ADK: variants seen among roughly 807,000 people sequenced by gnomAD.
ADK encodes the protein adenosine kinase.
A neutral mutation model predicts 44.7 loss-of-function variants in ADK; 24 were observed. The ratio of observed to expected loss-of-function variants is 0.54; its 90% CI spans 0.39 to 0.76. The LOEUF (loss-of-function observed/expected upper bound fraction) is 0.76, where lower values mean the gene tolerates loss of function less well. Ranked by LOEUF, ADK falls within the 30% of genes least tolerant of loss-of-function variation. The probability of loss-of-function intolerance (pLI) is 0.00; values close to 1 mark genes in which losing one functional copy is unlikely to be tolerated. For missense variants in ADK, 321 were observed against 425.1 expected (o/e 0.76, Z 2.15); for synonymous variants, 128 against 142.6 (o/e 0.90, Z 0.73).
At chr10:74,241,627 C>T (rs1168657975) in intron 3 of ADK, among the ~76,000 whole-genome samples, 2 of 152,176 alleles carry the variant, frequency 1.3e-5, no homozygotes, top group Admixed American at 6.5e-5. Flanking sequence ...CTCAAGTGAT[C>T]CACCCGCCTC....
intron 1 of ADK, among the ~76,000 whole-genome samples, chr10:74,194,956 A>T (rs907668067): frequency 6.6e-6 from 1 of 152,184 alleles, no homozygotes; most frequent in Non-Finnish European, 1.5e-5. Context: ...TTTTCTCAGG[A>T]ACTCTTACTG....
intron 7 of ADK, among the ~76,000 whole-genome samples, chr10:74,583,615 A>C (rs1851439774): frequency 6.6e-6 from 1 of 152,082 alleles, no homozygotes; most frequent in South Asian, 2.1e-4. Context: ...AAATTCCTGG[A>C]CACAAGCAAT....
chr10:74,384,266 C>T (rs1388515356), intron 4 of ADK, among the ~76,000 whole-genome samples: 2 of 152,256 alleles, frequency 1.3e-5, no homozygotes, highest in African/African-American at 4.8e-5. Context: ...TGGAAACACA[C>T]CCTACAACTC....
chr10:74,411,435 C>T (rs565665657), intron 6 of ADK, among the ~76,000 whole-genome samples: 1 of 152,302 alleles, frequency 6.6e-6, no homozygotes, highest in East Asian at 1.9e-4. Context: ...AAGCAAGTCA[C>T]ATGAATATTT....
chr10:74,359,534 C>A (rs149407457), intron 4 of ADK, among the ~76,000 whole-genome samples: 1 of 151,900 alleles, frequency 6.6e-6, no homozygotes, highest in Non-Finnish European at 1.5e-5. Context: ...ATGGCGTGAC[C>A]GTCCCTACAA....
At chr10:74,527,205 C>CA (rs1314079106) in intron 7 of ADK, among the ~76,000 whole-genome samples, 2 of 152,042 alleles carry the variant, frequency 1.3e-5, no homozygotes, top group East Asian at 1.9e-4. Context: ...ACTTAAAATA[C>CA]AAAAAATGAG....
At chr10:74,592,241 G>A (rs1851750886) in intron 8 of ADK, among the ~76,000 whole-genome samples, 2 of 151,912 alleles carry the variant, frequency 1.3e-5, no homozygotes, top group Middle Eastern at 3.4e-3. Flanking sequence ...CAATTCTTGG[G>A]GTAAAAAGTT....
chr10:74,554,489 A>T (rs10509349), intron 7 of ADK, among the ~76,000 whole-genome samples: 1 of 151,986 alleles, frequency 6.6e-6, no homozygotes, highest in Admixed American at 6.6e-5. Context: ...TTCCAATACA[A>T]TATTTTCTAA....
intron 9 of ADK, chr10:74,655,328 A>C: frequency 2.4e-6 from 1 of 423,780 alleles, no homozygotes; most frequent in South Asian, 2.0e-5. Flanking sequence ...CTGGAATAAG[A>C]AAGTGAATGT....
At chr10:74,595,675 GCCATATC>G (rs1589281642) in intron 8 of ADK, among the ~76,000 whole-genome samples, 2 of 19,816 alleles carry the variant, frequency 1.0e-4, no homozygotes, top group Non-Finnish European at 9.6e-5. Context: ...CGCGCCCATC[GCCATATC>G]AGTTCAACAG....
chr10:74,426,368 G>A (rs1266422654), intron 6 of ADK, among the ~76,000 whole-genome samples: 1 of 152,160 alleles, frequency 6.6e-6, no homozygotes, highest in Non-Finnish European at 1.5e-5. Flanking sequence ...TAAATGACCA[G>A]TTCTAGAAGA....
chr10:74,311,045 A>G (rs1840417414), intron 3 of ADK, among the ~76,000 whole-genome samples: 2 of 152,194 alleles, frequency 1.3e-5, no homozygotes, highest in Non-Finnish European at 2.9e-5. Context: ...AACAGTTTAT[A>G]TGCTTATTGC....
intron 6 of ADK, among the ~76,000 whole-genome samples, chr10:74,514,073 T>C (rs893299488): frequency 7.9e-5 from 12 of 152,194 alleles, no homozygotes. Flanking sequence ...AAGGTTAGCT[T>C]TGCTGGGCGT....
chr10:74,617,623 T>C (rs1175079433), intron 9 of ADK, among the ~76,000 whole-genome samples: 1 of 152,092 alleles, frequency 6.6e-6, no homozygotes, highest in Non-Finnish European at 1.5e-5. Context: ...TGAGAGAGGG[T>C]CTCGTCTTGT....
At chr10:74,606,205 AT>A (rs1056991412) in intron 9 of ADK, among the ~76,000 whole-genome samples, 56 of 152,166 alleles carry the variant, frequency 3.7e-4, no homozygotes, top group African/African-American at 1.3e-3. Context: ...TCCTGGATTC[AT>A]TGATTTTTGG....
intron 4 of ADK, among the ~76,000 whole-genome samples, chr10:74,386,136 A>G (rs10762605): frequency 0.64 from 98,004 of 151,968 alleles, 32,912 homozygotes; most frequent in Middle Eastern, 0.79. Context: ...TTCCTTATCA[A>G]TCTATTTCAG....
At position 74,434,789 on chromosome 10, in the gene ADK, G is replaced by A. The variant is rs570816545; in HGVS notation, c.555+36210G>A. Among the ~76,000 whole-genome samples the A allele has an allele frequency of 2.0e-5, 3 of 152,226 alleles. No homozygotes were observed. The East Asian group carries it at 5.8e-4, about 29-fold the overall frequency. ...ACTCCATTTTGGTTTGGTCTGGTGG[G>A]CCTAGTGCAGGAGCTTAGTCCAAAC... On this transcript the variant is annotated intron_variant, in intron 6 of 10. Transcript: ENST00000539909.
chr10:74,356,015 T>TG (rs1564672713), intron 4 of ADK, among the ~76,000 whole-genome samples: 1 of 133,060 alleles, frequency 7.5e-6, no homozygotes, highest in Non-Finnish European at 1.6e-5. Flanking sequence ...TTTTTTTTTT[T>TG]TTTTTTTTTT....
chr10:74,312,295 T>A (rs11000981), intron 3 of ADK, among the ~76,000 whole-genome samples: 1,899 of 87,256 alleles, frequency 0.022, 41 homozygotes, highest in African/African-American at 0.061. Context: ...GTAGATAGAG[T>A]GTGTGTGTGT....
Sources: gnomAD v4.1 joint callset for allele counts (sites outside exome capture counted in the v4.1 genomes callset) on GRCh38, gnomAD v4.1.1 for gene constraint, MANE v1.5 for transcripts, NCBI Gene and HGNC (gene_info 2026-07-23, HGNC 2026-07-21) for gene names.